Variants in FOXP1 observed in about 807,000 individuals in gnomAD.
The protein encoded by FOXP1 is forkhead box P1.
Under a neutral mutation model 98.2 loss-of-function variants are expected in FOXP1, and 15 were observed. That is an observed-to-expected ratio of 0.15 (90% CI 0.10 to 0.24). FOXP1 has a LOEUF of 0.24. Ranked by LOEUF, FOXP1 falls within the 10% of genes least tolerant of loss-of-function variation. The pLI is 1.00. For missense variants in FOXP1, 633 were observed against 848.5 expected, an observed-to-expected ratio of 0.75 and a Z score of 3.15; for synonymous variants, 371 against 314.5, an observed-to-expected ratio of 1.18 and a Z score of -1.90.
At chr3:71,533,930 G>A (rs1291422228) in intron 2 of FOXP1, among the ~76,000 whole-genome samples, 1 of 152,104 alleles carries the variant, frequency 6.6e-6, no homozygotes, top group Non-Finnish European at 1.5e-5. Context: ...CCTAAGCCTT[G>A]GTGTCACGGG....
At chr3:71,045,565 T>G (rs1205082555) in intron 10 of FOXP1, among the ~76,000 whole-genome samples, 1 of 152,192 alleles carries the variant, frequency 6.6e-6, no homozygotes. Context: ...TTCTTTCTTT[T>G]CTCCTTGTAT....
intron 3 of FOXP1, among the ~76,000 whole-genome samples, chr3:71,406,805 G>A (rs1367312393): frequency 6.6e-6 from 1 of 152,048 alleles, no homozygotes; most frequent in Admixed American, 6.5e-5. Flanking sequence ...AGGCAAAAAT[G>A]ACACATTCTG....
chr3:71,375,079 C>T (rs1382382722), intron 3 of FOXP1, among the ~76,000 whole-genome samples: 1 of 152,064 alleles, frequency 6.6e-6, no homozygotes, highest in Non-Finnish European at 1.5e-5. Context: ...GAGTTAAATG[C>T]CCAAATAAAT....
At chr3:71,133,292 A>T (rs1355112827) in intron 6 of FOXP1, among the ~76,000 whole-genome samples, 1 of 152,194 alleles carries the variant, frequency 6.6e-6, no homozygotes, top group Admixed American at 6.5e-5. Context: ...GGTTTTTGTG[A>T]TATAAACAAC....
At chr3:70,970,983 C>G (rs535490322) in intron 18 of FOXP1, 178 bp from the exon 19 acceptor site, 1 of 644,570 alleles carries the variant, frequency 1.6e-6, no homozygotes, top group Admixed American at 2.2e-5. Context: ...TGTGTGTGCA[C>G]ACCTCTGGGG....
rs550705154 is a variant in FOXP1 at position 70,955,019 on chromosome 3, G to A, written c.*4228C>T. The A allele has an allele frequency of 4.3e-6, 1 of 232,236 alleles. No homozygotes were observed. The highest frequency in any genetic ancestry group is 8.5e-6 in the Non-Finnish European group (1 of 117,388). 14.4% of individuals were successfully genotyped at this position (232,236 alleles called of 1,614,324 possible). A position where few individuals can be genotyped will look rare whatever the true frequency, so the allele number is the denominator to read the frequency against. On this transcript the variant is annotated 3_prime_UTR_variant, in exon 21 of 21. Transcript: ENST00000649528. Reference sequence around the variant, plus strand: ...GTGAGCTACACTGGGCCCAAGAAATGCCTTCAGCATTGTAAATCTGATTTT... The same window carrying A: ...GTGAGCTACACTGGGCCCAAGAAATACCTTCAGCATTGTAAATCTGATTTT...
intron 11 of FOXP1, 84 bp from the exon 12 acceptor site, chr3:71,015,737 AG>A: frequency 2.2e-6 from 2 of 900,564 alleles, no homozygotes; most frequent in Non-Finnish European, 3.7e-6. Flanking sequence ...AGGCAGGAGG[AG>A]CCCACATGGC....
rs979983362 is a variant in FOXP1 at position 70,957,982 on chromosome 3, G to T, written c.*1265C>A. On this transcript the variant is annotated 3_prime_UTR_variant, in exon 21 of 21. Coordinates refer to ENST00000649528, the MANE Select transcript of FOXP1 (RefSeq NM_001349338.3). ...CCTACTTTCAGGGCAGCTGCTCGGG[G>T]AAGCCGGTTTTTTTTTTTGGCCATT... The T allele has an allele frequency of 4.1e-6, 1 of 246,852 alleles. No homozygotes were observed. Among genetic ancestry groups the T allele is most frequent in the African/African-American group, 2.2e-5 (1 of 45,230 alleles). 15.3% of individuals were successfully genotyped at this position (246,852 alleles called of 1,614,324 possible).
chr3:71,183,917 C>T (rs1168801086), intron 6 of FOXP1, among the ~76,000 whole-genome samples: 3 of 152,102 alleles, frequency 2.0e-5, no homozygotes, highest in Non-Finnish European at 2.9e-5. Flanking sequence ...CTTTGGGAGG[C>T]CGAGGTGGGA....
At chr3:71,304,669 A>C (rs1487288559) in intron 4 of FOXP1, 1 of 152,242 alleles carries the variant, frequency 6.6e-6, no homozygotes, top group Non-Finnish European at 1.5e-5. Flanking sequence ...TATAAAAGTC[A>C]TATACTTACA....
intron 7 of FOXP1, among the ~76,000 whole-genome samples, chr3:71,110,737 CT>C (rs2057849132): frequency 6.6e-6 from 1 of 152,202 alleles, no homozygotes; most frequent in South Asian, 2.1e-4. Context: ...ATCCTTTCAA[CT>C]TATTTGAATC....
intron 6 of FOXP1, among the ~76,000 whole-genome samples, chr3:71,114,224 A>G (rs557159577): frequency 1.3e-5 from 2 of 152,222 alleles, no homozygotes; most frequent in South Asian, 2.1e-4. Context: ...CTTCATTTAC[A>G]TAAGAAAACA....
intron 2 of FOXP1, among the ~76,000 whole-genome samples, chr3:71,535,425 C>T (rs990221624): frequency 1.3e-5 from 2 of 151,940 alleles, no homozygotes; most frequent in Non-Finnish European, 2.9e-5. Flanking sequence ...AGGGATGAGG[C>T]CAGGCACAGT....
intron 5 of FOXP1, among the ~76,000 whole-genome samples, chr3:71,218,034 C>G (rs2065073095): frequency 6.6e-6 from 1 of 152,192 alleles, no homozygotes; most frequent in Non-Finnish European, 1.5e-5. Context: ...TGCCTCACCT[C>G]TTTGCTGAAA....
intron 6 of FOXP1, among the ~76,000 whole-genome samples, chr3:71,150,004 G>T (rs1191832359): frequency 1.3e-5 from 2 of 152,162 alleles, no homozygotes; most frequent in African/African-American, 4.8e-5. Context: ...AAATAATTTG[G>T]TTCCACAAAA....
At chr3:71,012,505 T>C (rs1292324605) in intron 12 of FOXP1, among the ~76,000 whole-genome samples, 1 of 152,204 alleles carries the variant, frequency 6.6e-6, no homozygotes, top group African/African-American at 2.4e-5. Flanking sequence ...TTTTAAAATA[T>C]TTTTAAGTAC....
chr3:71,262,881 G>A (rs2069293395), intron 5 of FOXP1, among the ~76,000 whole-genome samples: 1 of 152,182 alleles, frequency 6.6e-6, no homozygotes, highest in African/African-American at 2.4e-5. Context: ...GGTAGATCTT[G>A]AGCCGTTGCA....
intron 12 of FOXP1, among the ~76,000 whole-genome samples, chr3:71,010,606 T>C (rs1362168883): frequency 6.6e-6 from 1 of 152,092 alleles, no homozygotes; most frequent in Non-Finnish European, 1.5e-5. Context: ...GTCAAAGCAA[T>C]GTTACCTTTA....
intron 5 of FOXP1, among the ~76,000 whole-genome samples, chr3:71,214,315 G>T (rs894875978): frequency 1.3e-5 from 2 of 152,228 alleles, no homozygotes; most frequent in African/African-American, 4.8e-5. Flanking sequence ...TAATCATGCT[G>T]TCACGAACAT....
Sources: gnomAD v4.1 joint callset for allele counts (sites outside exome capture counted in the v4.1 genomes callset) on GRCh38, gnomAD v4.1.1 for gene constraint, MANE v1.5 for transcripts, NCBI Gene and HGNC (gene_info 2026-07-23, HGNC 2026-07-21) for gene names.